SEPTIN12: variants seen among roughly 807,000 people sequenced by gnomAD.
SEPTIN12 encodes septin-12.
SEPTIN12 carries 42 observed loss-of-function variants against 37.7 expected under a neutral mutation model. The ratio of observed to expected loss-of-function variants is 1.11; its 90% confidence interval spans 0.87 to 1.44. The LOEUF (loss-of-function observed/expected upper bound fraction) is 1.44. SEPTIN12 is among the 40% of genes most tolerant of loss of function. SEPTIN12 has a pLI of 0.00. For synonymous variants in SEPTIN12, 254 were observed against 196.7 expected, an observed-to-expected ratio of 1.29 and a Z score of -2.44; for missense variants, 613 against 479.2, an observed-to-expected ratio of 1.28 and a Z score of -2.61.
intron 1 of SEPTIN12, 93 bp from the exon 2 acceptor site, chr16:4,787,760 G>A (rs888571658): frequency 6.6e-5 from 41 of 624,454 alleles, no homozygotes; most frequent in Non-Finnish European, 8.1e-5. Flanking sequence ...GAGCTTGGCC[G>A]TTGGCCAACC....
At chr16:4,785,464 GC>G (rs1371182118) in intron 4 of SEPTIN12, among the ~76,000 whole-genome samples, 3 of 151,832 alleles carry the variant, frequency 2.0e-5, no homozygotes, top group African/African-American at 7.3e-5. Context: ...CCATGGCTTG[GC>G]CCCCACCTTT....
At chr16:4,786,621 C>T (rs978193231) in intron 2 of SEPTIN12, among the ~76,000 whole-genome samples, 1 of 152,088 alleles carries the variant, frequency 6.6e-6, no homozygotes, top group Admixed American at 6.6e-5. Context: ...TCCCAAAGTG[C>T]TGGGATTACA....
At chr16:4,786,995 C>T (rs1013885283) in intron 2 of SEPTIN12, among the ~76,000 whole-genome samples, 5 of 152,130 alleles carry the variant, frequency 3.3e-5, no homozygotes, top group Non-Finnish European at 7.4e-5. Flanking sequence ...CTGCCTTAGC[C>T]TCCTAAGTAG....
Position 4,783,156 on chromosome 16 carries a change from G to A in SEPTIN12, c.726+306C>T, listed in dbSNP as rs180971430. Among the ~76,000 whole-genome samples, 401 of 151,622 alleles carry A rather than the reference G, an allele frequency of 2.6e-3. 2 individuals are homozygous for A. The highest frequency in any genetic ancestry group is 9.2e-3 in the African/African-American group (379 of 41,356). ...ACTCCTGACCTCAAGCGATCTGCCTGCCTCGGCCTCCCAAACTGCTGGGAT... is the reference window on the plus strand; with the variant it reads ...ACTCCTGACCTCAAGCGATCTGCCTACCTCGGCCTCCCAAACTGCTGGGAT... On this transcript the variant is annotated intron_variant, in intron 7 of 9. Transcript: ENST00000268231.
At chr16:4,785,649 C>G (rs947144486) in intron 4 of SEPTIN12, 158 bp downstream of exon 4, 5 of 599,950 alleles carry the variant, frequency 8.3e-6, no homozygotes, top group Non-Finnish European at 1.5e-5. Flanking sequence ...TGGTGGCGGG[C>G]GCCTGTAATC....
intron 8 of SEPTIN12, among the ~76,000 whole-genome samples, chr16:4,778,777 G>C (rs1567556284): frequency 1.3e-5 from 2 of 151,728 alleles, no homozygotes; most frequent in Non-Finnish European, 2.9e-5. Context: ...TCCAGCCTGA[G>C]TGACAAAGCA....
Position 4,778,118 on chromosome 16 carries a change from A to T in SEPTIN12, c.843T>A (p.Cys281Ter), listed in dbSNP as rs1361811770. 1.2e-6 allele frequency: 2 copies of T among 1,614,168 alleles called. No individual in the cohort carries two copies. The highest frequency in any genetic ancestry group is 8.5e-7 in the Non-Finnish European group (1 of 1,180,028). ...GIIEVENMAH[C>*]EFPLLRDLLI... Reference sequence around the variant, plus strand: ...GCAGGTCTCTCAGGAGAGGAAATTCACAGTGCGCCATGTTCTCCACTGCAA... The same window carrying T: ...GCAGGTCTCTCAGGAGAGGAAATTCTCAGTGCGCCATGTTCTCCACTGCAA... Residue 281 changes from cysteine to a stop codon, truncating the protein, a stop_gained, in exon 9 of 10, where the codon TGT becomes TGA. Transcript: ENST00000268231. LOFTEE classifies it low-confidence loss of function (END_TRUNC).
intron 4 of SEPTIN12, among the ~76,000 whole-genome samples, chr16:4,784,589 G>GGGAAACGCCAACTCTACAAAAAATACAC (rs142502461): frequency 0.23 from 34,356 of 149,316 alleles, 4,326 homozygotes; most frequent in South Asian, 0.39. Flanking sequence ...GGGCAACATG[G>GGGAAACGCCAACTCTACAAAAAATACAC]GGAAACGCCA....
At chr16:4,789,160 G>A (rs138883091), upstream of SEPTIN12, among the ~76,000 whole-genome samples, 13 of 151,426 alleles carry the variant, frequency 8.6e-5, no homozygotes, top group South Asian at 2.1e-4. Context: ...CTGGATTACC[G>A]GTGTGCACCA....
chr16:4,786,491 A>C (rs991436342), intron 2 of SEPTIN12, among the ~76,000 whole-genome samples: 11 of 151,758 alleles, frequency 7.2e-5, no homozygotes, highest in African/African-American at 2.7e-4. Context: ...AGTAGCTGGG[A>C]CTACAGGCGC....
intron 2 of SEPTIN12, among the ~76,000 whole-genome samples, chr16:4,787,177 C>A (rs1183627600): frequency 1.3e-5 from 2 of 152,034 alleles, no homozygotes; most frequent in African/African-American, 4.8e-5. Flanking sequence ...TGCCCGGCCT[C>A]ATTTTTGTAC....
rs2082341901 is a variant in SEPTIN12, at chr16:4,778,853, C to G, written c.824-716G>C. On this transcript the variant is annotated intron_variant, in intron 8 of 9. Transcript: ENST00000268231. ...ATTTCTAATAATTATAATAATACAT[C>G]ACCTGACCGGGCGCGGTGGCACACG... is the stretch of plus-strand genomic sequence containing the variant. Among the ~76,000 whole-genome samples, 3 of 144,744 alleles carry G rather than the reference C, an allele frequency of 2.1e-5. 1 individual carries two copies. In the South Asian group the frequency reaches 6.6e-4, roughly 32 times the overall value. The allele number at this position is 144,744 out of a possible 152,430, so 95.0% of individuals were successfully genotyped here. A position where few individuals can be genotyped will look rare whatever the true frequency, so the allele number is the denominator to read the frequency against.
rs747226291 is a variant in SEPTIN12, at chr16:4,786,056, G to C, written c.216C>G (p.Ser72=). 2 of 1,613,952 alleles carry C rather than the reference G, an allele frequency of 1.2e-6. No individual in the cohort carries two copies. Among genetic ancestry groups the C allele is most frequent in the South Asian group, 2.2e-5 (2 of 91,042 alleles). ...CCGGTGGGTTTGACTTCCACACTTT[G>C]GACTTGAACAGCGTGTTCACCATCG... ...KSTMVNTLFK[S]KVWKSNPPGL... The change falls in exon 3 of 10, where the codon TCC becomes TCG. Residue 72 remains serine, a synonymous_variant. Transcript: ENST00000268231.
chr16:4,779,811 T>C (rs2141865758), intron 7 of SEPTIN12, 25 bp from the exon 8 acceptor site: 1 of 1,513,464 alleles, frequency 6.6e-7, no homozygotes, highest in Non-Finnish European at 9.2e-7. Flanking sequence ...GACACAGAGA[T>C]GGGAGGATTG....
chr16:4,783,870 C>T (rs2082402794), intron 5 of SEPTIN12, 61 bp downstream of exon 5: 7 of 1,608,550 alleles, frequency 4.4e-6, no homozygotes, highest in Admixed American at 1.7e-5. Context: ...TGGTGGGGAC[C>T]CCTTCTCCTC....
Position 4,779,671 on chromosome 16 carries a change from C to G in SEPTIN12, c.823+19G>C, listed in dbSNP as rs1255307820. ...CAAACTGACCCCACCTGCATCCTAC[C>G]CAGGGGCCCCGCACTGACCTTCAAT... On this transcript the variant is annotated intron_variant, in intron 8 of 9. Transcript: ENST00000268231. The G allele has an allele frequency of 1.3e-6, 2 of 1,544,262 alleles. No individual in the cohort carries two copies. Among genetic ancestry groups the G allele is most frequent in the East Asian group, 2.2e-5 (1 of 44,540 alleles).
At chr16:4,782,910 A>G (rs760421008) in intron 7 of SEPTIN12, among the ~76,000 whole-genome samples, 4 of 121,442 alleles carry the variant, frequency 3.3e-5, no homozygotes, top group African/African-American at 9.4e-5. Context: ...CGGCCAACAC[A>G]TTTTTTTTTT....
upstream of SEPTIN12, among the ~76,000 whole-genome samples, chr16:4,790,720 T>A (rs1182476128): frequency 6.6e-6 from 1 of 151,888 alleles, no homozygotes; most frequent in African/African-American, 2.4e-5. Context: ...ACCGAGGAGG[T>A]GGAGGTTGCA....
rs371195126 is a variant in SEPTIN12, at chr16:4,783,690, C to G, written c.589G>C (p.Asp197His). The change falls in exon 6 of 10, where the codon GAC (aspartate) becomes CAC (histidine). Residue 197 changes from aspartate to histidine, a missense_variant. Transcript: ENST00000268231. ...TCTCGCTCCTCCATGGTCAGGCTGT[C>G]GGCCCTGGCAATCACGGGCACCACA... is the stretch of plus-strand genomic sequence containing the variant. ...VNVVPVIARA[D>H]SLTMEEREAF... The G allele has an allele frequency of 1.2e-6, 2 of 1,614,096 alleles. No individual in the cohort carries two copies. Among genetic ancestry groups the G allele is most frequent in the Non-Finnish European group, 1.7e-6 (2 of 1,180,006 alleles).
Sources: allele counts gnomAD v4.1 joint callset (sites outside exome capture counted in the v4.1 genomes callset), GRCh38; gene constraint gnomAD v4.1.1; transcripts MANE v1.5; gene names NCBI Gene and HGNC (gene_info 2026-07-23, HGNC 2026-07-21).